Variants in KL observed in about 807,000 individuals in gnomAD.
The protein encoded by KL is klotho.
Under a neutral mutation model 84.2 loss-of-function variants are expected in KL, and 62 were observed. That is an observed-to-expected ratio of 0.74 (90% CI 0.60 to 0.91). The LOEUF is 0.91. KL is among the 40% of genes least tolerant of loss of function. KL has a pLI of 0.00. For synonymous variants in KL, 528 were observed against 528.0 expected (o/e 1.00, Z 0.00); for missense variants, 1,261 against 1,305.7 (o/e 0.97, Z 0.53).
chr13:33,023,768 TACTC>T lies in KL; in HGVS notation c.819+6511_819+6514del, dbSNP rs1445044715. Among the ~76,000 whole-genome samples the T allele has an allele frequency of 5.3e-5, 8 of 152,330 alleles. 1 individual carries two copies. The highest frequency in any genetic ancestry group is 3.9e-4 in the East Asian group (2 of 5,192). On this transcript the variant is annotated intron_variant, in intron 1 of 4. Transcript: ENST00000380099. ...CCGGTATCATTATAGCTTGATAAAA[TACTC>T]AAACTGAAAGCAGTGATGTACATTA... is the stretch of plus-strand genomic sequence containing the variant.
Position 33,061,179 on chromosome 13 carries a change from C to A in KL, c.2100C>A (p.Gly700=). 2 of 1,614,222 alleles carry A rather than the reference C, an allele frequency of 1.2e-6. No homozygotes were observed. Among genetic ancestry groups the A allele is most frequent in the South Asian group, 2.2e-5 (2 of 91,084 alleles). The stretch of plus-strand genomic sequence containing the variant: ...CAAGGAATATGACATACAGTGCTGG[C>A]CACAACCTTCTGAAGGCCCATGCCC... ...PYTRNMTYSA[G]HNLLKAHALA... is the part of the protein sequence containing the mutation. The change falls in exon 4 of 5, where the codon GGC becomes GGA. Residue 700 remains glycine (G), a synonymous_variant. Coordinates refer to ENST00000380099, the MANE Select transcript of KL (RefSeq NM_004795.4).
rs9527024 is a variant in KL, at chr13:33,053,556, G to A, written c.820-211G>A. On this transcript the variant is annotated intron_variant, in intron 1 of 4. Transcript: ENST00000380099. ...CTACATTTTTCCACTGACTGCTAAA[G>A]ACCAATGGAAATAACTCTAGTCCCC... Among the ~76,000 whole-genome samples, 23,733 of 152,178 alleles carry A rather than the reference G, an allele frequency of 0.16. 1,950 individuals carry two copies. The highest frequency in any genetic ancestry group is 0.18 in the African/African-American group (7,607 of 41,512).
intron 3 of KL, among the ~76,000 whole-genome samples, chr13:33,057,774 C>T (rs1359853078): frequency 1.5e-5 from 2 of 133,076 alleles, no homozygotes; most frequent in African/African-American, 5.6e-5. Context: ...CAGTACCCTT[C>T]TCAAGCTAAC....
chr13:33,057,703 G>A lies in KL; in HGVS notation c.1599+2388G>A, dbSNP rs564547940. On this transcript the variant is annotated intron_variant, in intron 3 of 4. Transcript: ENST00000380099. ...GCTTCTCTGGAAGCTCCCTGGTGGG[G>A]AAAGGCTGCAATTGCTATTTTCTTC... Among the ~76,000 whole-genome samples the A allele has an allele frequency of 1.3e-4, 20 of 152,260 alleles. No homozygotes were observed. The South Asian group carries it at 4.2e-3, about 32-fold the overall frequency.
In KL at chr13:33,017,071, G is replaced by C; in HGVS notation, c.631G>C (p.Ala211Pro). 1.2e-6 allele frequency: 2 copies of C among 1,602,282 alleles called. No homozygotes were observed. Among genetic ancestry groups the C allele is most frequent in the Non-Finnish European group, 1.7e-6 (2 of 1,178,536 alleles). Residue 211 changes from alanine to proline, a missense_variant, in exon 1 of 5, where the codon GCC becomes CCC. Ala to Pro is a conservative substitution (Grantham distance 27, BLOSUM62 -1). Transcript: ENST00000380099. ...CGCCTACGGCGGCTGGGCCAACCGC[G>C]CCCTGGCCGACCACTTCAGGGATTA... is the stretch of plus-strand genomic sequence containing the variant. ...QDAYGGWANRALADHFRDYAE... is the reference protein window; with the variant it reads ...QDAYGGWANRPLADHFRDYAE...
At chr13:33,044,640 CTTTTTTTT>C (rs71071071) in intron 1 of KL, among the ~76,000 whole-genome samples, 2 of 52,766 alleles carry the variant, frequency 3.8e-5, no homozygotes, top group African/African-American at 8.5e-5. Context: ...AATTGATTTT[CTTTTTTTT>C]TTTTTTTTTT....
chr13:33,062,867 C>A (rs1392098018), intron 4 of KL, among the ~76,000 whole-genome samples: 1 of 151,744 alleles, frequency 6.6e-6, no homozygotes, highest in Non-Finnish European at 1.5e-5. Flanking sequence ...GAATAACTTC[C>A]AATCCTGCCT....
intron 1 of KL, among the ~76,000 whole-genome samples, chr13:33,035,695 T>A (rs1458643994): frequency 6.6e-6 from 1 of 152,190 alleles, no homozygotes; most frequent in Non-Finnish European, 1.5e-5. Context: ...TTGGAACCCC[T>A]CTGTGTCTCC....
rs571984030 is a variant in KL at position 33,053,749 on chromosome 13, T to C, written c.820-18T>C. 2.1e-5 allele frequency: 34 copies of C among 1,613,484 alleles called. No individual in the cohort carries two copies. The highest frequency in any genetic ancestry group is 1.8e-4 in the Admixed American group (11 of 60,026). On this transcript the variant is annotated intron_variant, in intron 1 of 4. Coordinates refer to ENST00000380099, the MANE Select transcript of KL (RefSeq NM_004795.4). The stretch of plus-strand genomic sequence containing the variant: ...CTCACAACTAGAGATAAATTTGCCA[T>C]GGTTTTTCTCTTCATAGGCTCATGC...
At chr13:33,024,861 T>C (rs528345349) in intron 1 of KL, among the ~76,000 whole-genome samples, 5 of 152,210 alleles carry the variant, frequency 3.3e-5, no homozygotes, top group African/African-American at 1.2e-4. Context: ...TCAACTACAT[T>C]CTCCCAGAAA....
chr13:33,034,289 C>T (rs574294014), intron 1 of KL, among the ~76,000 whole-genome samples: 61 of 152,300 alleles, frequency 4.0e-4, no homozygotes, highest in Non-Finnish European at 1.3e-4. Flanking sequence ...CCTAGTTAAT[C>T]CCATTCTCCT....
intron 1 of KL, among the ~76,000 whole-genome samples, chr13:33,018,810 A>G (rs950596359): frequency 6.6e-5 from 10 of 152,246 alleles, no homozygotes; most frequent in African/African-American, 2.4e-4. Context: ...TTTAAATCCT[A>G]CAAGTTCTAT....
At chr13:33,026,123 T>C (rs1870767812) in intron 1 of KL, among the ~76,000 whole-genome samples, 1 of 152,102 alleles carries the variant, frequency 6.6e-6, no homozygotes, top group African/African-American at 2.4e-5. Context: ...GTAAAAAGTA[T>C]GTAAAGATTA....
Position 33,064,344 on chromosome 13 carries a change from T to C in KL, c.*158T>C. 1.7e-6 allele frequency: 1 copy of C among 604,672 alleles called. No individual in the cohort carries two copies. The highest frequency in any genetic ancestry group is 2.9e-6 in the Non-Finnish European group (1 of 346,952). The allele number at this position is 604,672 out of a possible 1,614,324, so 37.5% of individuals were successfully genotyped here. A position where few individuals can be genotyped will look rare whatever the true frequency, so the allele number is the denominator to read the frequency against. On this transcript the variant is annotated 3_prime_UTR_variant, in exon 5 of 5. Transcript: ENST00000380099. ...TATGACAGAGGTTTTGAAATGGGCA[T>C]AGGTGATCGTAAAATATTGAATAAT...
At chr13:33,048,952 T>TA (rs1871642702) in intron 1 of KL, among the ~76,000 whole-genome samples, 1 of 152,206 alleles carries the variant, frequency 6.6e-6, no homozygotes, top group African/African-American at 2.4e-5. Flanking sequence ...TTGGGGCTAC[T>TA]AGCTAGTTGG....
intron 1 of KL, among the ~76,000 whole-genome samples, chr13:33,032,028 C>T (rs1049475512): frequency 6.6e-5 from 10 of 151,970 alleles, no homozygotes; most frequent in African/African-American, 2.4e-4. Flanking sequence ...CTCAGGTTTT[C>T]TGAACCCCTA....
chr13:33,047,903 A>G lies in KL; in HGVS notation c.820-5864A>G, dbSNP rs1041422209. 2.1e-4 allele frequency among the ~76,000 whole-genome samples: 32 copies of G among 152,070 alleles called. 1 individual carries two copies. The highest frequency in any genetic ancestry group is 1.7e-3 in the Admixed American group (26 of 15,274). The stretch of plus-strand genomic sequence containing the variant: ...ATTTATTCTTATTATTATTCCATTT[A>G]GAATTAATATTGTTAATCCCATTCA... On this transcript the variant is annotated intron_variant, in intron 1 of 4. Coordinates refer to ENST00000380099, the MANE Select transcript of KL (RefSeq NM_004795.4).
In KL at chr13:33,031,238, T is replaced by C. The variant is rs138255213; in HGVS notation, c.819+13979T>C. On this transcript the variant is annotated intron_variant, in intron 1 of 4. Coordinates refer to ENST00000380099, the MANE Select transcript of KL (RefSeq NM_004795.4). ...GTAGTAAATACATAGGAAGAAATAG[T>C]ATATAGAAAAAGTATGGTTTCAATC... Among the ~76,000 whole-genome samples the C allele has an allele frequency of 1.8e-4, 28 of 152,188 alleles. 1 individual carries two copies. In the East Asian group the frequency reaches 5.4e-3, roughly 29 times the overall value.
intron 1 of KL, among the ~76,000 whole-genome samples, chr13:33,020,432 T>C (rs1468710286): frequency 6.6e-6 from 1 of 152,150 alleles, no homozygotes; most frequent in Non-Finnish European, 1.5e-5. Flanking sequence ...CTTTGAATAC[T>C]GCTGCATCCC....
Sources: allele counts gnomAD v4.1 joint callset (sites outside exome capture counted in the v4.1 genomes callset), GRCh38; gene constraint gnomAD v4.1.1; transcripts MANE v1.5; gene names NCBI Gene and HGNC (gene_info 2026-07-23, HGNC 2026-07-21).